CNOT2: variants seen among roughly 807,000 people sequenced by gnomAD.
CNOT2 encodes the protein CCR4-NOT transcription complex subunit 2, also known as CC chemokine receptor 4-negative regulator of transcription 2.
In CNOT2, 7 loss-of-function variants were observed where a neutral mutation model predicts 72.1. The ratio of observed to expected loss-of-function variants is 0.10; its 90% CI spans 0.06 to 0.18. The LOEUF (loss-of-function observed/expected upper bound fraction) is 0.18, where lower values mean the gene tolerates loss of function less well. Ranked by LOEUF, CNOT2 falls within the 10% of genes least tolerant of loss-of-function variation. The pLI is 1.00. For missense variants in CNOT2, 345 were observed against 660.3 expected (o/e 0.52, Z 5.23); for synonymous variants, 196 against 225.6 (o/e 0.87, Z 1.17).
rs144576055 is a variant in CNOT2, at chr12:70,304,136, C to T, written c.49-6759C>T. 4.3e-3 allele frequency among the ~76,000 whole-genome samples: 658 copies of T among 152,038 alleles called. 1 individual carries two copies. The highest frequency in any genetic ancestry group is 0.015 in the African/African-American group (628 of 41,464). On this transcript the variant is annotated intron_variant, in intron 2 of 15. Transcript: ENST00000229195. The stretch of plus-strand genomic sequence containing the variant: ...TTTTTCAAGGTTTTTAACTTCTTTG[C>T]CATTGGTTCGAACTTCCTCCTTAGT...
At chr12:70,251,840 T>C (rs1958156124) in intron 1 of CNOT2, among the ~76,000 whole-genome samples, 1 of 152,234 alleles carries the variant, frequency 6.6e-6, no homozygotes, top group South Asian at 2.1e-4. Flanking sequence ...GGTGGAATTT[T>C]TGTATACGTT....
chr12:70,300,066 G>A (rs559868642), intron 2 of CNOT2, among the ~76,000 whole-genome samples: 1 of 152,078 alleles, frequency 6.6e-6, no homozygotes, highest in Admixed American at 6.5e-5. Context: ...ACTTTTTGAT[G>A]GGGTTGTTTT....
chr12:70,311,437 C>T (rs1876440938), intron 3 of CNOT2, among the ~76,000 whole-genome samples: 1 of 151,932 alleles, frequency 6.6e-6, no homozygotes, highest in Non-Finnish European at 1.5e-5. Context: ...CTTATTGTGT[C>T]ATCTAGCTGT....
At chr12:70,297,734 A>AT (rs768714426) in intron 2 of CNOT2, 279 of 357,938 alleles carry the variant, frequency 7.8e-4, no homozygotes, top group Middle Eastern at 2.9e-3. Flanking sequence ...TTGGATAATA[A>AT]TTTTTTTTTG....
At chr12:70,267,493 G>T (rs1261333005) in intron 1 of CNOT2, among the ~76,000 whole-genome samples, 1 of 152,120 alleles carries the variant, frequency 6.6e-6, no homozygotes, top group Non-Finnish European at 1.5e-5. Context: ...TGTTAATTTG[G>T]TGAGATTTGC....
At chr12:70,312,631 T>C (rs1345641848) in intron 3 of CNOT2, among the ~76,000 whole-genome samples, 5 of 151,984 alleles carry the variant, frequency 3.3e-5, no homozygotes, top group Admixed American at 3.3e-4. Flanking sequence ...CAAAACCTTT[T>C]TTAAAAAAAC....
intron 1 of CNOT2, among the ~76,000 whole-genome samples, chr12:70,248,345 A>G (rs964827832): frequency 6.6e-6 from 1 of 152,194 alleles, no homozygotes; most frequent in Non-Finnish European, 1.5e-5. Flanking sequence ...AAATTTAAAA[A>G]GCTCTGAAAG....
At position 70,335,569 on chromosome 12, in the gene CNOT2, T is replaced by C. The variant is rs1262079992; in HGVS notation, c.775+6T>C. 12 of 1,606,514 alleles carry C rather than the reference T, an allele frequency of 7.5e-6. No homozygotes were observed. The highest frequency in any genetic ancestry group is 1.0e-5 in the Non-Finnish European group (12 of 1,174,408). ...GGCTGGAAGAGCTCCTTATGGTAATTAAGCTTTTTAATGATGGCCAGTAGA... is the reference window on the plus strand; with the variant it reads ...GGCTGGAAGAGCTCCTTATGGTAATCAAGCTTTTTAATGATGGCCAGTAGA... On this transcript the variant is annotated splice_donor_region_variant and intron_variant, in intron 8 of 15. Coordinates refer to ENST00000229195, the MANE Select transcript of CNOT2 (RefSeq NM_014515.7).
At position 70,293,467 on chromosome 12, in the gene CNOT2, A is replaced by G. The variant is rs541077025; in HGVS notation, c.48+15193A>G. On this transcript the variant is annotated intron_variant, in intron 2 of 15. Coordinates refer to ENST00000229195, the MANE Select transcript of CNOT2 (RefSeq NM_014515.7). ...AGCCACTGTGTCTGGCCTGGATTTC[A>G]TATCTTATTTAAATCCTATATTCAG... Among the ~76,000 whole-genome samples the G allele has an allele frequency of 3.3e-5, 5 of 152,226 alleles. No homozygotes were observed. The South Asian group carries it at 1.0e-3, about 32-fold the overall frequency.
At chr12:70,256,583 A>G (rs1004862586) in intron 1 of CNOT2, among the ~76,000 whole-genome samples, 83 of 36,700 alleles carry the variant, frequency 2.3e-3, no homozygotes, top group Middle Eastern at 0.019. Context: ...ACCTGTGGGT[A>G]AAAAAAAAAA....
chr12:70,288,825 A>G (rs756715172), intron 2 of CNOT2, among the ~76,000 whole-genome samples: 2 of 152,164 alleles, frequency 1.3e-5, no homozygotes. Context: ...CTCACTTCCT[A>G]AGGGAAACAT....
chr12:70,292,226 T>C (rs1872041713), intron 2 of CNOT2, among the ~76,000 whole-genome samples: 2 of 152,154 alleles, frequency 1.3e-5, no homozygotes, highest in Non-Finnish European at 1.5e-5. Flanking sequence ...AGCTCTGTGG[T>C]GATGTGGCTT....
intron 9 of CNOT2, 186 bp downstream of exon 9, chr12:70,337,699 T>A: frequency 3.0e-6 from 2 of 667,758 alleles, no homozygotes; most frequent in Non-Finnish European, 2.6e-6. Flanking sequence ...TCCTATTTCA[T>A]ATAGGTTTGC....
intron 3 of CNOT2, among the ~76,000 whole-genome samples, chr12:70,316,258 A>G (rs1267362918): frequency 6.6e-6 from 1 of 152,156 alleles, no homozygotes; most frequent in African/African-American, 2.4e-5. Context: ...TTTTTCTAAG[A>G]AATTTACCTT....
chr12:70,327,939 C>A (rs1879344562), intron 4 of CNOT2, among the ~76,000 whole-genome samples: 2 of 151,758 alleles, frequency 1.3e-5, no homozygotes, highest in South Asian at 4.1e-4. Flanking sequence ...GATTTTTAAT[C>A]CTTATTCTTC....
intron 1 of CNOT2, among the ~76,000 whole-genome samples, chr12:70,248,245 GC>G (rs764911687): frequency 2.6e-5 from 4 of 152,036 alleles, no homozygotes; most frequent in Non-Finnish European, 5.9e-5. Flanking sequence ...CTAATGCCTG[GC>G]CCATTGGTTA....
chr12:70,295,704 CATA>C (rs1347931590), intron 2 of CNOT2, among the ~76,000 whole-genome samples: 1 of 152,144 alleles, frequency 6.6e-6, no homozygotes, highest in Non-Finnish European at 1.5e-5. Flanking sequence ...TCTTACTGCT[CATA>C]AGAGGTACTA....
At chr12:70,344,934 ATTTG>A (rs895406495) in intron 14 of CNOT2, 2 of 152,182 alleles carry the variant, frequency 1.3e-5, no homozygotes, top group African/African-American at 4.8e-5. Context: ...CAGTGTGCAT[ATTTG>A]TTGTACGTTT....
chr12:70,269,474 C>T (rs1297821790), intron 1 of CNOT2, among the ~76,000 whole-genome samples: 3 of 152,038 alleles, frequency 2.0e-5, no homozygotes, highest in East Asian at 3.9e-4. Flanking sequence ...AATACATATG[C>T]TTATGAGGTC....
Sources: gnomAD v4.1 joint callset for allele counts (sites outside exome capture counted in the v4.1 genomes callset) on GRCh38, gnomAD v4.1.1 for gene constraint, MANE v1.5 for transcripts, NCBI Gene and HGNC (gene_info 2026-07-23, HGNC 2026-07-21) for gene names.